Variants in FREM3 observed in about 807,000 individuals in gnomAD.
FREM3 encodes the protein FRAS1-related extracellular matrix protein 3.
A neutral mutation model predicts 129.1 loss-of-function variants in FREM3; 105 were observed. The ratio of observed to expected loss-of-function variants is 0.81; its 90% CI spans 0.69 to 0.96. The LOEUF is 0.96. Ranked by LOEUF, FREM3 falls within the 40% of genes least tolerant of loss-of-function variation. The pLI is 0.00. For synonymous variants in FREM3, 1,014 were observed against 1,044.9 expected, an observed-to-expected ratio of 0.97 and a Z score of 0.57; for missense variants, 2,593 against 2,666.3, an observed-to-expected ratio of 0.97 and a Z score of 0.61.
chr4:143,648,216 T>C (rs1156649091), intron 2 of FREM3, among the ~76,000 whole-genome samples: 2 of 152,266 alleles, frequency 1.3e-5, no homozygotes, highest in Non-Finnish European at 2.9e-5. Flanking sequence ...ACCTAATGCC[T>C]GTACTCCCAT....
intron 5 of FREM3, among the ~76,000 whole-genome samples, chr4:143,617,497 T>C (rs756739998): frequency 6.6e-5 from 10 of 152,230 alleles, no homozygotes; most frequent in Non-Finnish European, 1.3e-4. Flanking sequence ...TAATTTAAGA[T>C]ATTTAAAACC....
chr4:143,619,212 T>G (rs1030472886), intron 5 of FREM3, among the ~76,000 whole-genome samples: 1 of 152,180 alleles, frequency 6.6e-6, no homozygotes, highest in Non-Finnish European at 1.5e-5. Flanking sequence ...ATGTGTCCTA[T>G]GAATTACCAT....
At position 143,630,828 on chromosome 4, in the gene FREM3, G is replaced by T. The variant is rs767326442; in HGVS notation, c.5276-3068C>A. ...TTCTAGATGAATCCAAGAAGGTGAA[G>T]TCCATCTACAGATGTTTTAAAGCCC... On this transcript the variant is annotated intron_variant, in intron 2 of 7. Coordinates refer to ENST00000329798, the MANE Select transcript of FREM3 (RefSeq NM_001168235.2). Among the ~76,000 whole-genome samples, 23 of 152,136 alleles carry T rather than the reference G, an allele frequency of 1.5e-4. 1 individual carries two copies. The highest frequency in any genetic ancestry group is 2.9e-4 in the Non-Finnish European group (20 of 68,016).
chr4:143,613,542 A>C (rs1303831627), intron 5 of FREM3, among the ~76,000 whole-genome samples: 1 of 152,232 alleles, frequency 6.6e-6, no homozygotes. Context: ...AAGGCTCTCA[A>C]GATGAGATGA....
chr4:143,663,154 A>C (rs1739774296), intron 2 of FREM3, among the ~76,000 whole-genome samples: 2 of 152,006 alleles, frequency 1.3e-5, no homozygotes, highest in Non-Finnish European at 2.9e-5. Context: ...TTTGCTCGTT[A>C]GTTGATGCAG....
chr4:143,684,714 G>C (rs1448405273), intron 2 of FREM3, among the ~76,000 whole-genome samples: 1 of 152,174 alleles, frequency 6.6e-6, no homozygotes, highest in African/African-American at 2.4e-5. Flanking sequence ...AATCAGGGAG[G>C]GACCAGCGGA....
chr4:143,615,130 AT>A (rs1434466181), intron 5 of FREM3, among the ~76,000 whole-genome samples: 2 of 152,226 alleles, frequency 1.3e-5, no homozygotes, highest in Non-Finnish European at 2.9e-5. Flanking sequence ...CTAAAGGGTA[AT>A]TAAATCATTA....
chr4:143,679,443 A>G (rs913276780), intron 2 of FREM3, among the ~76,000 whole-genome samples: 2 of 152,216 alleles, frequency 1.3e-5, no homozygotes, highest in Non-Finnish European at 2.9e-5. Context: ...GGACTGCTGG[A>G]TAACTTATAA....
chr4:143,673,884 T>G (rs1740053453), intron 2 of FREM3, among the ~76,000 whole-genome samples: 1 of 152,230 alleles, frequency 6.6e-6, no homozygotes, highest in South Asian at 2.1e-4. Flanking sequence ...TGTGGGACCC[T>G]CCGAGCCATG....
At chr4:143,590,439 T>C (rs1268127312) in intron 6 of FREM3, among the ~76,000 whole-genome samples, 1 of 152,236 alleles carries the variant, frequency 6.6e-6, no homozygotes, top group Non-Finnish European at 1.5e-5. Context: ...TGAGAGTTTT[T>C]AGCATGAAGC....
At chr4:143,636,706 A>G in intron 2 of FREM3, among the ~76,000 whole-genome samples, 1 of 152,186 alleles carries the variant, frequency 6.6e-6, no homozygotes. Flanking sequence ...TTTCTAATAT[A>G]ATCTCCTCTT....
At position 143,697,377 on chromosome 4, in the gene FREM3, G is replaced by A. The variant is rs763251904; in HGVS notation, c.3299C>T (p.Thr1100Ile). 31 of 1,537,068 alleles carry A rather than the reference G, an allele frequency of 2.0e-5. No homozygotes were observed. Among genetic ancestry groups the A allele is most frequent in the Admixed American group, 5.9e-5 (3 of 50,978 alleles). The change falls in exon 1 of 8, where the codon ACT becomes ATT. Residue 1100 changes from threonine (T) to isoleucine (I), a missense_variant. Around this residue, in one of 2 missense-constraint regions of FREM3, gnomAD observed 2,276 missense variants for 2,267.2 expected, o/e 1.00. Transcript: ENST00000329798. ...TGTGCAGAGGAGTTCATCTTGATGA[G>A]TGTCCACATCTTCAACATGGAGATG... ...LQHLHVEDVD[T>I]HQDELLCTVT...
intron 7 of FREM3, among the ~76,000 whole-genome samples, chr4:143,583,952 A>G (rs546200149): frequency 6.6e-6 from 1 of 152,362 alleles, no homozygotes; most frequent in South Asian, 2.1e-4. Context: ...AAATCCTCAC[A>G]TATCAAATAT....
chr4:143,613,761 T>C (rs2149839715), intron 5 of FREM3, among the ~76,000 whole-genome samples: 1 of 152,322 alleles, frequency 6.6e-6, no homozygotes, highest in African/African-American at 2.4e-5. Context: ...TGACAGGCTA[T>C]ATGACAAAGA....
chr4:143,700,040 TG>T lies in FREM3; in HGVS notation c.635del (p.Pro212HisfsTer29). On this transcript the variant is annotated frameshift_variant, in exon 1 of 8. Coordinates refer to ENST00000329798, the MANE Select transcript of FREM3 (RefSeq NM_001168235.2). LOFTEE classifies it high-confidence loss of function. ...GCAGGGGGCCGTCCTCGTGAGGAAG[TG>T]GGGTAAGCCGGCACCTGCGGGTGGC... ...ATATRRCRLTPLPHEDGPLPK... is the reference protein window; with the variant it reads ...ATATRRCRLTXLPHEDGPLPK... The T allele has an allele frequency of 4.0e-6, 6 of 1,516,072 alleles. No homozygotes were observed. Among genetic ancestry groups the T allele is most frequent in the Non-Finnish European group, 5.3e-6 (6 of 1,134,200 alleles). The allele number at this position is 1,516,072 out of a possible 1,614,324, so 93.9% of individuals were successfully genotyped here. A position where few individuals can be genotyped will look rare whatever the true frequency, so the allele number is the denominator to read the frequency against.
intron 6 of FREM3, among the ~76,000 whole-genome samples, chr4:143,593,246 T>C (rs1349908215): frequency 6.6e-6 from 1 of 152,236 alleles, no homozygotes; most frequent in African/African-American, 2.4e-5. Context: ...GTCAAAGTCA[T>C]TCTCTGTCCA....
intron 5 of FREM3, among the ~76,000 whole-genome samples, chr4:143,615,249 G>A (rs1738823624): frequency 6.6e-6 from 1 of 152,200 alleles, no homozygotes; most frequent in Admixed American, 6.5e-5. Flanking sequence ...CCCATCTCCT[G>A]ATAGTCAGCC....
intron 2 of FREM3, among the ~76,000 whole-genome samples, chr4:143,651,402 C>G (rs1739507296): frequency 6.6e-6 from 1 of 152,166 alleles, no homozygotes; most frequent in Admixed American, 6.5e-5. Flanking sequence ...TTACAAAAGA[C>G]CGAAATCCCA....
chr4:143,647,317 T>A (rs549135171), intron 2 of FREM3, among the ~76,000 whole-genome samples: 3 of 152,098 alleles, frequency 2.0e-5, no homozygotes, highest in African/African-American at 7.2e-5. Context: ...AGTCTGACAA[T>A]GTGATAGAAA....
Sources: allele counts gnomAD v4.1 joint callset (sites outside exome capture counted in the v4.1 genomes callset), GRCh38; gene constraint gnomAD v4.1.1; regional missense constraint gnomAD v4.1.1; transcripts MANE v1.5; gene names NCBI Gene and HGNC (gene_info 2026-07-23, HGNC 2026-07-21).